The following MPHOSPH8 variants were observed in gnomAD, a reference collection of about 807,000 sequenced individuals.
The protein encoded by MPHOSPH8 is M-phase phosphoprotein 8.
A neutral mutation model predicts 87.3 loss-of-function variants in MPHOSPH8; 45 were observed. The observed-to-expected ratio is 0.52, with a 90% CI of 0.41 to 0.66. MPHOSPH8 has a LOEUF of 0.66. Ranked by LOEUF, MPHOSPH8 falls within the 30% of genes least tolerant of loss-of-function variation. The pLI, the probability that MPHOSPH8 is intolerant of heterozygous loss-of-function variation, is 0.00. For missense variants in MPHOSPH8, 883 were observed against 1,020.2 expected (o/e 0.87, Z 1.83); for synonymous variants, 366 against 376.9 (o/e 0.97, Z 0.33).
At chr13:19,671,092 GACTTATGAAAT>G in intron 12 of MPHOSPH8, 103 bp from the exon 13 acceptor site, 2 of 1,478,338 alleles carry the variant, frequency 1.4e-6, no homozygotes, top group Non-Finnish European at 1.8e-6. Context: ...ACAACATCTT[GACTTATGAAAT>G]AAAAAATAAA....
At chr13:19,637,928 C>T (rs1352583147) in intron 1 of MPHOSPH8, among the ~76,000 whole-genome samples, 1 of 151,436 alleles carries the variant, frequency 6.6e-6, no homozygotes, top group Non-Finnish European at 1.5e-5. Context: ...GGTGAAACCC[C>T]GTCTCTACTA....
At chr13:19,648,859 A>G (rs1175812782) in intron 4 of MPHOSPH8, among the ~76,000 whole-genome samples, 3 of 152,184 alleles carry the variant, frequency 2.0e-5, no homozygotes, top group Non-Finnish European at 4.4e-5. Flanking sequence ...CATTATATAT[A>G]TAAATATTGG....
Position 19,666,469 on chromosome 13 carries a change from A to G in MPHOSPH8, c.2064A>G (p.Glu688=). Residue 688 remains glutamate (E), a synonymous_variant, in exon 10 of 14, where the codon GAA becomes GAG. Coordinates refer to ENST00000361479, the MANE Select transcript of MPHOSPH8 (RefSeq NM_017520.4). ...GNSDIVRLVI[E]CGADCNILSK... The stretch of plus-strand genomic sequence containing the variant: ...CAGACATCGTACGACTCGTAATTGA[A>G]TGTGGAGCTGACTGCAATATTTTGT... 1 of 1,611,584 alleles carries G rather than the reference A, an allele frequency of 6.2e-7. No homozygotes were observed. Among genetic ancestry groups the G allele is most frequent in the Admixed American group, 1.7e-5 (1 of 59,994 alleles).
chr13:19,671,317 T>A (rs748260358), intron 13 of MPHOSPH8, 28 bp downstream of exon 13: 3 of 1,573,888 alleles, frequency 1.9e-6, no homozygotes, highest in Non-Finnish European at 1.7e-6. Flanking sequence ...ACATTTAGTG[T>A]CACTACTCAA....
At chr13:19,640,953 A>G (rs1171209124) in intron 1 of MPHOSPH8, among the ~76,000 whole-genome samples, 3 of 152,220 alleles carry the variant, frequency 2.0e-5, no homozygotes, top group Non-Finnish European at 2.9e-5. Flanking sequence ...ATGTTTTAAA[A>G]ACATTCTAAA....
chr13:19,671,117 T>C, intron 12 of MPHOSPH8, 89 bp from the exon 13 acceptor site: 3 of 1,515,528 alleles, frequency 2.0e-6, no homozygotes, highest in Non-Finnish European at 2.6e-6. Flanking sequence ...AAATAAAACT[T>C]ATTTATGATT....
At chr13:19,650,795 T>C (rs866041311) in intron 5 of MPHOSPH8, among the ~76,000 whole-genome samples, 11 of 152,234 alleles carry the variant, frequency 7.2e-5, no homozygotes, top group Admixed American at 1.3e-4. Flanking sequence ...AATAAAACTT[T>C]GTATAATTTG....
intron 9 of MPHOSPH8, among the ~76,000 whole-genome samples, chr13:19,666,116 T>G (rs575528260): frequency 6.6e-6 from 1 of 152,326 alleles, no homozygotes; most frequent in African/African-American, 2.4e-5. Flanking sequence ...CTGGTGTCTG[T>G]TCTGTCTTGG....
chr13:19,652,439 C>T (rs1259836207), intron 5 of MPHOSPH8, among the ~76,000 whole-genome samples: 1 of 152,190 alleles, frequency 6.6e-6, no homozygotes, highest in African/African-American at 2.4e-5. Flanking sequence ...AACTCACAGA[C>T]CAGGAGATTC....
chr13:19,667,405 T>C (rs1419919723), intron 10 of MPHOSPH8, among the ~76,000 whole-genome samples: 1 of 152,158 alleles, frequency 6.6e-6, no homozygotes, highest in African/African-American at 2.4e-5. Flanking sequence ...TAGGGCTCAC[T>C]CGTAGTGTTA....
chr13:19,661,748 C>T lies in MPHOSPH8; in HGVS notation c.1842C>T (p.Asp614=), dbSNP rs533798486. ...TGCTTGCCGCCGCCGGAGGGCAGGA[C>T]GACCTCCTGCGACTCCTCATCACAA... ...LVMLAAAGGQ[D]DLLRLLITKG... The change falls in exon 8 of 14, where the codon GAC becomes GAT. Residue 614 remains aspartate (D), a synonymous_variant. Coordinates refer to ENST00000361479, the MANE Select transcript of MPHOSPH8 (RefSeq NM_017520.4). The T allele has an allele frequency of 3.0e-5, 48 of 1,612,054 alleles. No individual in the cohort carries two copies. The highest frequency in any genetic ancestry group is 1.7e-4 in the Middle Eastern group (1 of 6,054).
In MPHOSPH8 at chr13:19,633,962, G is replaced by T. The variant is rs1234152945; in HGVS notation, c.213+1G>T. ...GATCCTGGACATGAAGACCGAGGGG[G>T]TATGTGGAGGGGCCCCGGCGCGGGG... On this transcript the variant is annotated splice_donor_variant, in intron 1 of 13. Transcript: ENST00000361479. LOFTEE classifies it high-confidence loss of function. 1.2e-6 allele frequency: 2 copies of T among 1,605,642 alleles called. No homozygotes were observed. The highest frequency in any genetic ancestry group is 2.2e-5 in the East Asian group (1 of 44,572).
rs1480991485 is a variant in MPHOSPH8 at position 19,642,159 on chromosome 13, T to A, written c.258T>A (p.Asp86Glu). 1 of 1,610,576 alleles carries A rather than the reference T, an allele frequency of 6.2e-7. No homozygotes were observed. The highest frequency in any genetic ancestry group is 8.5e-7 in the Non-Finnish European group (1 of 1,178,888). ...YKVRWKGYTSDDDTWEPEIHL... is the reference protein window; with the variant it reads ...YKVRWKGYTSEDDTWEPEIHL... Reference sequence around the variant, plus strand: ...TTCGCTGGAAAGGCTATACATCGGATGATGATACCTGGGAGCCCGAGATTC... The same window carrying A: ...TTCGCTGGAAAGGCTATACATCGGAAGATGATACCTGGGAGCCCGAGATTC... The change falls in exon 2 of 14, where the codon GAT becomes GAA. Residue 86 changes from aspartate to glutamate, a missense_variant. This residue lies in a region of MPHOSPH8 where 39 missense variants were observed against 82.4 expected (regional missense o/e 0.47). Coordinates refer to ENST00000361479, the MANE Select transcript of MPHOSPH8 (RefSeq NM_017520.4).
intron 12 of MPHOSPH8, 144 bp from the exon 13 acceptor site, chr13:19,671,062 T>C: frequency 1.4e-6 from 2 of 1,445,898 alleles, no homozygotes; most frequent in Non-Finnish European, 1.8e-6. Context: ...CTCAAGCGAT[T>C]GTCCGCCTTG....
At chr13:19,668,596 G>A in intron 11 of MPHOSPH8, 65 bp downstream of exon 11, 1 of 1,477,142 alleles carries the variant, frequency 6.8e-7, no homozygotes, top group Non-Finnish European at 9.2e-7. Flanking sequence ...CAGATTTTTA[G>A]ACAGAATCCT....
In MPHOSPH8 at chr13:19,666,555, A is replaced by T. The variant is rs1253348012; in HGVS notation, c.2150A>T (p.Asp717Val). Reference protein sequence around the residue: ...AKQSNNVLVYDLLKNHLETLS... With the variant: ...AKQSNNVLVYVLLKNHLETLS... ...CAGTCTAACAATGTGCTTGTGTACG[A>T]CTTGCTGAAGAACCATTTAGAGACG... The change falls in exon 10 of 14, where the codon GAC becomes GTC. Residue 717 changes from aspartate to valine, a missense_variant. Physicochemically the swap from Asp to Val is radical, Grantham distance 152. This residue lies in a region of MPHOSPH8 where 741 missense variants were observed against 841.5 expected (regional missense o/e 0.88). Coordinates refer to ENST00000361479, the MANE Select transcript of MPHOSPH8 (RefSeq NM_017520.4). 1 of 1,590,212 alleles carries T rather than the reference A, an allele frequency of 6.3e-7. No individual in the cohort carries two copies. The highest frequency in any genetic ancestry group is 2.3e-5 in the East Asian group (1 of 44,322).
intron 1 of MPHOSPH8, among the ~76,000 whole-genome samples, chr13:19,636,284 C>T (rs1041666492): frequency 3.9e-5 from 6 of 152,130 alleles, no homozygotes; most frequent in Non-Finnish European, 7.3e-5. Context: ...ATAGTCTAGT[C>T]TATAGTCTAT....
chr13:19,642,366 A>G, intron 2 of MPHOSPH8, 96 bp downstream of exon 2: 1 of 1,062,110 alleles, frequency 9.4e-7, no homozygotes, highest in East Asian at 3.0e-5. Context: ...ACAAATAACA[A>G]AGTGTACCGT....
Position 19,650,210 on chromosome 13 carries a change from A to C in MPHOSPH8, c.1526A>C (p.Glu509Ala). 1 of 1,614,186 alleles carries C rather than the reference A, an allele frequency of 6.2e-7. No homozygotes were observed. The highest frequency in any genetic ancestry group is 8.5e-7 in the Non-Finnish European group (1 of 1,180,020). The change falls in exon 5 of 14, where the codon GAA (glutamate) becomes GCA (alanine). Residue 509 changes from glutamate to alanine, a missense_variant. Transcript: ENST00000361479. ...ETDTWAYIAA[E>A]GDQEVLDSVC... ...GATACTTGGGCATACATTGCTGCAGAAGGTGATCAGGAGGTTTTAGACAGC... is the reference window on the plus strand; with the variant it reads ...GATACTTGGGCATACATTGCTGCAGCAGGTGATCAGGAGGTTTTAGACAGC...
Sources: allele counts gnomAD v4.1 joint callset (sites outside exome capture counted in the v4.1 genomes callset), GRCh38; gene constraint gnomAD v4.1.1; regional missense constraint gnomAD v4.1.1; transcripts MANE v1.5; gene names NCBI Gene and HGNC (gene_info 2026-07-23, HGNC 2026-07-21).